The following KLF12 variants were observed in gnomAD, a reference collection of about 807,000 sequenced individuals.
KLF12 encodes the protein Krueppel-like factor 12.
KLF12 carries 9 observed loss-of-function variants against 37.8 expected under a neutral mutation model. The ratio of observed to expected loss-of-function variants is 0.24; its 90% CI spans 0.14 to 0.42. The LOEUF (loss-of-function observed/expected upper bound fraction) is 0.42. KLF12 is among the 10% of genes least tolerant of loss of function. KLF12 has a pLI of 1.00. For missense variants in KLF12, 411 were observed against 516.0 expected (o/e 0.80, Z 1.97); for synonymous variants, 208 against 202.1 (o/e 1.03, Z -0.25).
the KLF12 span, among the ~76,000 whole-genome samples, chr13:74,304,796 A>G: frequency 6.6e-6 from 1 of 152,098 alleles, no homozygotes; most frequent in East Asian, 1.9e-4. Context: ...TGCAAGTTAG[A>G]GAGTTGTGAA....
chr13:74,046,037 C>T (rs939258908), intron 1 of KLF12, among the ~76,000 whole-genome samples: 4 of 152,118 alleles, frequency 2.6e-5, no homozygotes, highest in African/African-American at 9.7e-5. Flanking sequence ...CAGAAATTTG[C>T]CATAGGAACT....
chr13:74,260,579 A>G, the KLF12 span, among the ~76,000 whole-genome samples: 1 of 83,290 alleles, frequency 1.2e-5, no homozygotes, highest in Non-Finnish European at 2.1e-5. Context: ...TAAAATAAAT[A>G]AAATAAAATA....
At chr13:73,725,308 G>T (rs118042238) in intron 6 of KLF12, among the ~76,000 whole-genome samples, 4,693 of 152,118 alleles carry the variant, frequency 0.031, 116 homozygotes, top group South Asian at 0.074. Context: ...CACCATGTTC[G>T]CCAGCATGGT....
At chr13:73,972,360 CT>C (rs1164296653) in intron 2 of KLF12, among the ~76,000 whole-genome samples, 7 of 151,956 alleles carry the variant, frequency 4.6e-5, no homozygotes, top group African/African-American at 1.7e-4. Flanking sequence ...GTTCGACTCC[CT>C]ATAACTAATT....
At chr13:73,980,749 T>TA (rs762126845) in intron 2 of KLF12, among the ~76,000 whole-genome samples, 3 of 152,080 alleles carry the variant, frequency 2.0e-5, no homozygotes, top group Non-Finnish European at 2.9e-5. Flanking sequence ...AAAATGCAAT[T>TA]AAAACTACAG....
At chr13:74,137,485 T>C (rs1266780576), upstream of KLF12, among the ~76,000 whole-genome samples, 7 of 152,218 alleles carry the variant, frequency 4.6e-5, no homozygotes, top group African/African-American at 1.7e-4. Flanking sequence ...AAGATAAAGT[T>C]GGGTATTCTT....
intron 6 of KLF12, among the ~76,000 whole-genome samples, chr13:73,759,665 G>T (rs996506425): frequency 2.6e-5 from 4 of 152,288 alleles, no homozygotes; most frequent in African/African-American, 9.6e-5. Flanking sequence ...AGGCCTGGAT[G>T]AACAGGCACA....
chr13:74,022,770 C>T (rs1052725182), intron 1 of KLF12, among the ~76,000 whole-genome samples: 2 of 151,918 alleles, frequency 1.3e-5, no homozygotes, highest in African/African-American at 4.8e-5. Context: ...GTATTGGCCG[C>T]CTCCTTTGAA....
chr13:74,132,911 G>C (rs1268145641), intron 1 of KLF12, among the ~76,000 whole-genome samples: 1 of 152,184 alleles, frequency 6.6e-6, no homozygotes, highest in East Asian at 1.9e-4. Flanking sequence ...CATCTAACGT[G>C]AACACCAACT....
chr13:74,211,681 G>T, the KLF12 span, among the ~76,000 whole-genome samples: 2 of 152,112 alleles, frequency 1.3e-5, no homozygotes, highest in Non-Finnish European at 2.9e-5. Context: ...GTATTTAGTT[G>T]GTTCTAGAGA....
intron 1 of KLF12, among the ~76,000 whole-genome samples, chr13:74,025,192 T>C (rs1295163088): frequency 1.3e-5 from 2 of 152,238 alleles, no homozygotes; most frequent in Admixed American, 1.3e-4. Context: ...TGCCTTTGCT[T>C]ACTTTGTTTG....
intron 1 of KLF12, among the ~76,000 whole-genome samples, chr13:74,089,233 A>T (rs941333399): frequency 3.9e-5 from 6 of 152,172 alleles, no homozygotes; most frequent in African/African-American, 1.4e-4. Flanking sequence ...CCCCCTACAA[A>T]AAAAGGTGGA....
At chr13:74,247,100 C>G in the KLF12 span, among the ~76,000 whole-genome samples, 13 of 151,706 alleles carry the variant, frequency 8.6e-5, no homozygotes, top group Non-Finnish European at 1.5e-4. Flanking sequence ...TTTTTTCGAC[C>G]AGATTTCAAA....
At position 73,795,282 on chromosome 13, in the gene KLF12, C is replaced by T. The variant is rs111451129; in HGVS notation, c.806+17870G>A. Reference sequence around the variant, plus strand: ...AAAGAGAGCAGAAATTACTGTAATGCACAAAAAAATTTAAATTCACTGGAA... The same window carrying T: ...AAAGAGAGCAGAAATTACTGTAATGTACAAAAAAATTTAAATTCACTGGAA... On this transcript the variant is annotated intron_variant, in intron 5 of 7. Coordinates refer to ENST00000377669, the MANE Select transcript of KLF12 (RefSeq NM_007249.5). Among the ~76,000 whole-genome samples, 394 of 152,240 alleles carry T rather than the reference C, an allele frequency of 2.6e-3. 1 individual carries two copies. The highest frequency in any genetic ancestry group is 9.2e-3 in the African/African-American group (381 of 41,540).
chr13:74,271,332 T>C, the KLF12 span, among the ~76,000 whole-genome samples: 10 of 152,222 alleles, frequency 6.6e-5, no homozygotes, highest in Non-Finnish European at 1.5e-4. Flanking sequence ...AGGGCAACTA[T>C]GCTTAAGCAT....
At chr13:74,301,796 C>T in the KLF12 span, among the ~76,000 whole-genome samples, 7 of 152,086 alleles carry the variant, frequency 4.6e-5, no homozygotes, top group East Asian at 1.9e-4. Flanking sequence ...TTAGAGTGTA[C>T]GCTGCATTGG....
the KLF12 span, among the ~76,000 whole-genome samples, chr13:74,241,589 A>G: frequency 3.3e-5 from 5 of 152,244 alleles, no homozygotes; most frequent in South Asian, 8.3e-4. Context: ...CTGCTGTGCT[A>G]GCAATCAGCG....
chr13:73,997,840 T>A (rs986400036), intron 1 of KLF12, among the ~76,000 whole-genome samples: 1 of 152,184 alleles, frequency 6.6e-6, no homozygotes, highest in African/African-American at 2.4e-5. Flanking sequence ...TATTTCAATA[T>A]GAAAAACATG....
At chr13:74,250,676 T>A in the KLF12 span, among the ~76,000 whole-genome samples, 1 of 151,956 alleles carries the variant, frequency 6.6e-6, no homozygotes, top group Admixed American at 6.5e-5. Context: ...CGCCAATGAC[T>A]GATGGTCTTA....
Sources: allele counts gnomAD v4.1 joint callset (sites outside exome capture counted in the v4.1 genomes callset), GRCh38; gene constraint gnomAD v4.1.1; transcripts MANE v1.5; gene names NCBI Gene and HGNC (gene_info 2026-07-23, HGNC 2026-07-21).